KLF8: variants seen among roughly 807,000 people sequenced by gnomAD.
The protein encoded by KLF8 is Krueppel-like factor 8.
Under a neutral mutation model 18.2 loss-of-function variants are expected in KLF8, and 10 were observed. The ratio of observed to expected loss-of-function variants is 0.55; its 90% CI spans 0.34 to 0.93. The LOEUF (loss-of-function observed/expected upper bound fraction) is 0.93. Ranked by LOEUF, KLF8 falls within the 40% of genes least tolerant of loss-of-function variation. KLF8 has a pLI of 0.02. For missense variants in KLF8, 264 were observed against 277.9 expected (o/e 0.95, Z 0.36); for synonymous variants, 109 against 97.3 (o/e 1.12, Z -0.71).
intron 5 of KLF8, among the ~76,000 whole-genome samples, chrX:56,279,983 C>T (rs1409290185): frequency 9.0e-6 from 1 of 111,633 alleles, no homozygotes; most frequent in Non-Finnish European, 1.9e-5. Context: ...TGTTAAGGGT[C>T]CTAGAGAGTG....
chrX:56,078,784 TG>T, the KLF8 span, among the ~76,000 whole-genome samples: 1 of 111,193 alleles, frequency 9.0e-6, no homozygotes, highest in Admixed American at 9.5e-5. Flanking sequence ...GACTCTTTTT[TG>T]TTGGTAAGCT....
At chrX:56,085,150 A>T in the KLF8 span, among the ~76,000 whole-genome samples, 1 of 112,091 alleles carries the variant, frequency 8.9e-6, no homozygotes, top group Non-Finnish European at 1.9e-5. Context: ...TATCTGGCCT[A>T]CATCCTGCCA....
At chrX:56,102,324 A>G in the KLF8 span, among the ~76,000 whole-genome samples, 1 of 111,282 alleles carries the variant, frequency 9.0e-6, no homozygotes, top group African/African-American at 3.3e-5. Context: ...TTGCTTTTGT[A>G]GCAGTACCAT....
At chrX:56,158,766 T>C in the KLF8 span, among the ~76,000 whole-genome samples, 8 of 112,221 alleles carry the variant, frequency 7.1e-5, no homozygotes, top group African/African-American at 2.6e-4. Flanking sequence ...AAGTTGCCTA[T>C]CAGCTTAAGG....
chrX:56,043,171 C>T, the KLF8 span, among the ~76,000 whole-genome samples: 1 of 110,873 alleles, frequency 9.0e-6, no homozygotes, highest in Admixed American at 9.6e-5. Flanking sequence ...TGTAGGGTTT[C>T]CACTGTGAGG....
intron 2 of KLF8, among the ~76,000 whole-genome samples, chrX:56,259,843 T>A (rs962554849): frequency 9.8e-5 from 11 of 111,713 alleles, no homozygotes; most frequent in Non-Finnish European, 2.1e-4. Flanking sequence ...CTAAGCTATC[T>A]GGAGAATTCT....
At chrX:56,152,480 G>C in the KLF8 span, among the ~76,000 whole-genome samples, 3 of 111,204 alleles carry the variant, frequency 2.7e-5, no homozygotes, top group Non-Finnish European at 3.8e-5. Flanking sequence ...GGGCAGTATC[G>C]GTCCCAGAGT....
the KLF8 span, among the ~76,000 whole-genome samples, chrX:56,215,301 G>C: frequency 8.9e-6 from 1 of 111,952 alleles, no homozygotes; most frequent in Non-Finnish European, 1.9e-5. Flanking sequence ...ATAAGAATTA[G>C]ATGGAGGATT....
chrX:56,111,785 C>A, the KLF8 span, among the ~76,000 whole-genome samples: 2 of 112,003 alleles, frequency 1.8e-5, no homozygotes, highest in Admixed American at 9.4e-5. Flanking sequence ...CAATGAGATA[C>A]CATCTCACGC....
At chrX:56,159,498 C>A in the KLF8 span, among the ~76,000 whole-genome samples, 1 of 112,650 alleles carries the variant, frequency 8.9e-6, no homozygotes, top group African/African-American at 3.2e-5. Context: ...TAGAATTCGG[C>A]TGTGAATCCA....
At chrX:55,980,851 C>T in the KLF8 span, among the ~76,000 whole-genome samples, 7 of 112,257 alleles carry the variant, frequency 6.2e-5, no homozygotes, top group African/African-American at 2.3e-4. Flanking sequence ...CTTCTCCCCC[C>T]CTCCATAGCA....
At chrX:55,988,796 A>C in the KLF8 span, among the ~76,000 whole-genome samples, 4 of 111,583 alleles carry the variant, frequency 3.6e-5, no homozygotes, top group African/African-American at 1.3e-4. Flanking sequence ...CTTGGGCAGT[A>C]TGGCTGTTTT....
At chrX:56,077,423 C>G in the KLF8 span, among the ~76,000 whole-genome samples, 2 of 111,782 alleles carry the variant, frequency 1.8e-5, no homozygotes, top group Non-Finnish European at 3.8e-5. Context: ...TCTTGTTTTT[C>G]TCACGTTTGT....
At chrX:56,196,567 C>A in the KLF8 span, among the ~76,000 whole-genome samples, 1 of 111,873 alleles carries the variant, frequency 8.9e-6, no homozygotes, top group Non-Finnish European at 1.9e-5. Flanking sequence ...GATATGTGCA[C>A]CCAATACAGG....
the KLF8 span, among the ~76,000 whole-genome samples, chrX:56,050,643 T>C: frequency 1.8e-5 from 2 of 112,590 alleles, no homozygotes; most frequent in Non-Finnish European, 1.9e-5. Context: ...TAGTTTGTTA[T>C]AATTTCTGTT....
chrX:56,164,552 G>T, the KLF8 span, among the ~76,000 whole-genome samples: 1 of 93,534 alleles, frequency 1.1e-5, no homozygotes, highest in African/African-American at 3.8e-5. Context: ...AAATGTGTAA[G>T]TATTGTTTCA....
At chrX:55,987,093 T>C in the KLF8 span, among the ~76,000 whole-genome samples, 1 of 111,653 alleles carries the variant, frequency 9.0e-6, no homozygotes, top group African/African-American at 3.3e-5. Context: ...TGTATGTATG[T>C]ATTTTTATGG....
At chrX:56,180,952 G>A in the KLF8 span, among the ~76,000 whole-genome samples, 2 of 111,668 alleles carry the variant, frequency 1.8e-5, no homozygotes, top group Non-Finnish European at 3.8e-5. Context: ...ATTTGGGGTG[G>A]AGAGTTCTGT....
the KLF8 span, among the ~76,000 whole-genome samples, chrX:55,956,176 CTATCTATCTATCTATG>C: frequency 2.8e-5 from 3 of 105,780 alleles, no homozygotes; most frequent in Non-Finnish European, 5.8e-5. Context: ...TATCATCTAT[CTATCTATCTATCTATG>C]TATCTATCTA....
Sources: gnomAD v4.1 joint callset for allele counts (sites outside exome capture counted in the v4.1 genomes callset) on GRCh38, gnomAD v4.1.1 for gene constraint, MANE v1.5 for transcripts, NCBI Gene and HGNC (gene_info 2026-07-23, HGNC 2026-07-21) for gene names.